TXLNB: variants seen among roughly 807,000 people sequenced by gnomAD.
TXLNB encodes the protein beta-taxilin.
Under a neutral mutation model 57.4 loss-of-function variants are expected in TXLNB, and 37 were observed. That is an observed-to-expected ratio of 0.64 (90% CI 0.50 to 0.85). The LOEUF (loss-of-function observed/expected upper bound fraction) is 0.85. TXLNB is among the 40% of genes least tolerant of loss of function. The pLI is 0.00. For synonymous variants in TXLNB, 302 were observed against 309.6 expected (o/e 0.98, Z 0.26); for missense variants, 848 against 825.6 (o/e 1.03, Z -0.33).
At chr6:139,300,473 G>A in the TXLNB span, among the ~76,000 whole-genome samples, 2 of 152,100 alleles carry the variant, frequency 1.3e-5, no homozygotes, top group African/African-American at 4.8e-5. Flanking sequence ...CCCTTTCATG[G>A]TGAGGGGATG....
chr6:139,181,909 A>AACAT, the TXLNB span, among the ~76,000 whole-genome samples: 3 of 152,238 alleles, frequency 2.0e-5, no homozygotes, highest in African/African-American at 7.2e-5. Context: ...GTGCACAATA[A>AACAT]ACATACAATT....
the TXLNB span, among the ~76,000 whole-genome samples, chr6:139,312,881 C>T: frequency 1.3e-5 from 2 of 152,162 alleles, no homozygotes; most frequent in Non-Finnish European, 2.9e-5. Flanking sequence ...GAAATCTGCA[C>T]AACAAATCTT....
chr6:139,277,246 A>T (rs886886824), intron 2 of TXLNB: 1 of 196,900 alleles, frequency 5.1e-6, no homozygotes, highest in African/African-American at 2.3e-5. Context: ...AAAAGATTTT[A>T]TACATCAAAA....
the TXLNB span, among the ~76,000 whole-genome samples, chr6:139,162,137 C>T: frequency 6.6e-6 from 1 of 152,114 alleles, no homozygotes; most frequent in African/African-American, 2.4e-5. Context: ...GGCTTCCTCT[C>T]CTGAGTCGTC....
upstream of TXLNB, chr6:139,292,080 G>GCACACACACA (rs754267593): frequency 3.6e-5 from 5 of 140,342 alleles, no homozygotes; most frequent in African/African-American, 1.5e-4. The surrounding 1 kb of genome is among the most constrained non-coding windows in gnomAD (Gnocchi z 4.0). Context: ...GTGCACGCAC[G>GCACACACACA]CGCGCGCACA....
intron 1 of TXLNB, among the ~76,000 whole-genome samples, 175 bp from the exon 2 acceptor site, chr6:139,289,088 C>T (rs896126556): frequency 2.0e-5 from 3 of 152,262 alleles, no homozygotes; most frequent in African/African-American, 4.8e-5. Context: ...GAGACCACCC[C>T]TCATATCGTC....
chr6:139,243,364 T>G, intron 9 of TXLNB, 50 bp from the exon 10 acceptor site: 1 of 1,528,064 alleles, frequency 6.5e-7, no homozygotes, highest in Non-Finnish European at 8.8e-7. Flanking sequence ...AATGACATGA[T>G]AAGCAAAATG....
the TXLNB span, among the ~76,000 whole-genome samples, chr6:139,229,015 C>T: frequency 6.6e-6 from 1 of 152,198 alleles, no homozygotes; most frequent in African/African-American, 2.4e-5. Context: ...TTGATGGCCC[C>T]ATCCAGACTG....
the TXLNB span, among the ~76,000 whole-genome samples, chr6:139,193,999 G>A: frequency 4.7e-5 from 7 of 150,304 alleles, no homozygotes; most frequent in Non-Finnish European, 1.0e-4. Flanking sequence ...CCGCCACCAC[G>A]CCCGGCCAAT....
At chr6:139,224,508 T>C in the TXLNB span, among the ~76,000 whole-genome samples, 4 of 151,900 alleles carry the variant, frequency 2.6e-5, no homozygotes, top group Admixed American at 6.6e-5. Flanking sequence ...TCTGTGAACA[T>C]TGTAATTGAT....
the TXLNB span, among the ~76,000 whole-genome samples, chr6:139,168,053 A>C: frequency 6.6e-6 from 1 of 152,200 alleles, no homozygotes; most frequent in Non-Finnish European, 1.5e-5. Context: ...TTGTTGTGAA[A>C]ATGATATATC....
chr6:139,180,767 T>C, the TXLNB span: 1 of 152,664 alleles, frequency 6.6e-6, no homozygotes, highest in Non-Finnish European at 1.5e-5. Flanking sequence ...GTTTGTGAAA[T>C]GTATGTATTA....
At chr6:139,249,965 C>CT (rs1776155837) in intron 7 of TXLNB, among the ~76,000 whole-genome samples, 1 of 152,052 alleles carries the variant, frequency 6.6e-6, no homozygotes, top group Non-Finnish European at 1.5e-5. Context: ...CACACACACT[C>CT]TGTCTCTCAC....
chr6:139,188,954 CAA>C, the TXLNB span, among the ~76,000 whole-genome samples: 2 of 152,246 alleles, frequency 1.3e-5, no homozygotes, highest in African/African-American at 2.4e-5. Context: ...CGGGGTTTCA[CAA>C]CATTGGCCAG....
downstream of TXLNB, chr6:139,237,329 G>A (rs751011065): frequency 1.5e-4 from 23 of 151,806 alleles, no homozygotes; most frequent in African/African-American, 4.6e-4. Context: ...GTGAAACCCC[G>A]TCTCTACTAA....
At chr6:139,229,234 T>C in the TXLNB span, among the ~76,000 whole-genome samples, 1 of 152,242 alleles carries the variant, frequency 6.6e-6, no homozygotes, top group Non-Finnish European at 1.5e-5. Context: ...GTATACCCAT[T>C]TGCCCTCATC....
chr6:139,193,241 C>CTTTTTTTTTTT, the TXLNB span, among the ~76,000 whole-genome samples: 583 of 101,106 alleles, frequency 5.8e-3, 24 homozygotes, highest in Non-Finnish European at 8.0e-3. Context: ...CTTTGACCCT[C>CTTTTTTTTTTT]TTTTTTTTTT....
At chr6:139,167,484 C>T in the TXLNB span, among the ~76,000 whole-genome samples, 1 of 152,144 alleles carries the variant, frequency 6.6e-6, no homozygotes, top group African/African-American at 2.4e-5. Flanking sequence ...CCCAGTGACG[C>T]GGTGATTTTT....
the TXLNB span, among the ~76,000 whole-genome samples, chr6:139,323,044 A>G: frequency 7.9e-5 from 12 of 152,322 alleles, no homozygotes; most frequent in Non-Finnish European, 1.3e-4. Context: ...TTAAAATAAG[A>G]AACTAGCATT....
Sources: allele counts gnomAD v4.1 joint callset (sites outside exome capture counted in the v4.1 genomes callset), GRCh38; gene constraint gnomAD v4.1.1; non-coding constraint Gnocchi (gnomAD v3.1); transcripts MANE v1.5; gene names NCBI Gene and HGNC (gene_info 2026-07-23, HGNC 2026-07-21).